CDH12: variants seen among roughly 807,000 people sequenced by gnomAD.
CDH12 encodes the protein cadherin-12.
CDH12 carries 41 observed loss-of-function variants against 74.1 expected under a neutral mutation model. The observed-to-expected ratio is 0.55, with a 90% CI of 0.43 to 0.72. The LOEUF (loss-of-function observed/expected upper bound fraction) is 0.72, where lower values mean the gene tolerates loss of function less well. Among genes scored for constraint, CDH12 ranks in the 30% least tolerant of loss-of-function variants. The pLI is 0.00. For missense variants in CDH12, 945 were observed against 977.2 expected, an observed-to-expected ratio of 0.97 and a Z score of 0.44; for synonymous variants, 399 against 355.0, an observed-to-expected ratio of 1.12 and a Z score of -1.39.
chr5:22,268,662 T>C lies in CDH12; in HGVS notation c.-332-56019A>G, dbSNP rs112659524. On this transcript the variant is annotated intron_variant, in intron 3 of 14. Coordinates refer to ENST00000382254, the MANE Select transcript of CDH12 (RefSeq NM_004061.5). The stretch of plus-strand genomic sequence containing the variant: ...GTTTGATGATTCAAACCCTACACTG[T>C]GTATTCCTTTTATTTTTATAATTAT... Among the ~76,000 whole-genome samples, 6 of 152,262 alleles carry C rather than the reference T, an allele frequency of 3.9e-5. 1 individual carries two copies. Among genetic ancestry groups the C allele is most frequent in the African/African-American group, 1.2e-4 (5 of 41,570 alleles).
chr5:21,986,663 A>T (rs1405204140), intron 5 of CDH12, among the ~76,000 whole-genome samples: 1 of 152,192 alleles, frequency 6.6e-6, no homozygotes, highest in Admixed American at 6.5e-5. Context: ...AGTAAATTTG[A>T]TGTATCATTT....
intron 1 of CDH12, among the ~76,000 whole-genome samples, chr5:22,623,951 T>C (rs1232028567): frequency 2.6e-5 from 4 of 152,204 alleles, no homozygotes; most frequent in Non-Finnish European, 5.9e-5. Context: ...AGCATGGTAC[T>C]GGTACCAAAA....
rs1033929540 is a variant in CDH12 at position 22,080,689 on chromosome 5, T to G, written c.-186-1827A>C. On this transcript the variant is annotated intron_variant, in intron 4 of 14. Coordinates refer to ENST00000382254, the MANE Select transcript of CDH12 (RefSeq NM_004061.5). ...AAAGACAGTACAAAAAATAGGAAGG[T>G]ATCTTTTTTTTTATCACTTGACATG... Among the ~76,000 whole-genome samples, 9 of 152,110 alleles carry G rather than the reference T, an allele frequency of 5.9e-5. No homozygotes were observed. In the East Asian group the frequency reaches 1.3e-3, roughly 23 times the overall value.
At chr5:22,024,248 T>G (rs772883578) in intron 5 of CDH12, among the ~76,000 whole-genome samples, 2 of 152,180 alleles carry the variant, frequency 1.3e-5, no homozygotes, top group African/African-American at 2.4e-5. Context: ...TCCCTTTTTC[T>G]TCCAGAATGC....
intron 2 of CDH12, among the ~76,000 whole-genome samples, chr5:22,484,964 T>C (rs928090437): frequency 7.2e-5 from 11 of 152,172 alleles, no homozygotes; most frequent in African/African-American, 2.2e-4. Flanking sequence ...GGATACATAT[T>C]TGTAAAGATC....
intron 3 of CDH12, among the ~76,000 whole-genome samples, chr5:22,257,619 C>T (rs1397072395): frequency 1.3e-5 from 2 of 151,964 alleles, no homozygotes; most frequent in Non-Finnish European, 2.9e-5. Flanking sequence ...CCTCCCTCAG[C>T]CTCCGGATTA....
At chr5:22,296,666 C>A (rs1294349272) in intron 3 of CDH12, among the ~76,000 whole-genome samples, 1 of 152,112 alleles carries the variant, frequency 6.6e-6, no homozygotes, top group African/African-American at 2.4e-5. Context: ...TTCAAATATA[C>A]ATGCTATCTA....
At chr5:22,242,179 A>C (rs983487289) in intron 3 of CDH12, among the ~76,000 whole-genome samples, 2 of 152,188 alleles carry the variant, frequency 1.3e-5, no homozygotes, top group African/African-American at 4.8e-5. Context: ...AATATTAATC[A>C]GGAAAAATGA....
intron 4 of CDH12, among the ~76,000 whole-genome samples, chr5:22,154,789 C>G (rs1031257809): frequency 2.6e-5 from 4 of 152,038 alleles, no homozygotes; most frequent in African/African-American, 4.8e-5. Context: ...AATTTAGCCA[C>G]TTAACACAGA....
In CDH12 at chr5:22,584,413, T is replaced by C. The variant is rs369319247; in HGVS notation, c.-522-79049A>G. Among the ~76,000 whole-genome samples, 44 of 152,354 alleles carry C rather than the reference T, an allele frequency of 2.9e-4. No individual in the cohort carries two copies. In the East Asian group the frequency reaches 2.9e-3, roughly 10 times the overall value. The stretch of plus-strand genomic sequence containing the variant: ...CTGCTCCTGGAAGGAATTTATTTTT[T>C]TTAATTCTGTGTTTTTAAGATTTTT... On this transcript the variant is annotated intron_variant, in intron 1 of 14. Transcript: ENST00000382254.
chr5:22,419,904 A>T lies in CDH12; in HGVS notation c.-427-14553T>A, dbSNP rs529593556. 9.9e-5 allele frequency among the ~76,000 whole-genome samples: 15 copies of T among 152,232 alleles called. No individual in the cohort carries two copies. In the South Asian group the frequency reaches 3.1e-3, roughly 32 times the overall value. ...ATTTGCATTTCTCTGATGATCAGTG[A>T]TGTTGAACTTTTTCTCATGTTTGTT... On this transcript the variant is annotated intron_variant, in intron 2 of 14. Transcript: ENST00000382254.
chr5:22,580,689 T>C, intron 1 of CDH12: 1 of 390,676 alleles, frequency 2.6e-6, no homozygotes, highest in South Asian at 2.3e-5. Flanking sequence ...GAGGAGGCAT[T>C]TTAACATTCC....
At chr5:21,770,526 G>A (rs989836011) in intron 11 of CDH12, among the ~76,000 whole-genome samples, 4 of 151,530 alleles carry the variant, frequency 2.6e-5, no homozygotes, top group Non-Finnish European at 5.9e-5. Flanking sequence ...CGGGAGGCAG[G>A]AGAATCTCTT....
At chr5:22,173,789 CA>C (rs1749180178) in intron 4 of CDH12, among the ~76,000 whole-genome samples, 1 of 151,682 alleles carries the variant, frequency 6.6e-6, no homozygotes, top group African/African-American at 2.4e-5. Context: ...TCGATGTTAC[CA>C]TAATTTTTTG....
chr5:21,889,061 GA>G (rs1288654563), intron 6 of CDH12, among the ~76,000 whole-genome samples: 1 of 151,924 alleles, frequency 6.6e-6, no homozygotes, highest in African/African-American at 2.4e-5. Context: ...TTTCTGATAG[GA>G]AAAATAATAT....
At chr5:22,698,807 G>A (rs1742563156) in intron 1 of CDH12, among the ~76,000 whole-genome samples, 1 of 143,532 alleles carries the variant, frequency 7.0e-6, no homozygotes, top group African/African-American at 2.6e-5. Context: ...ATTATTAGAA[G>A]TTTGGCAGTT....
chr5:22,373,241 C>T (rs1237773864), intron 3 of CDH12, among the ~76,000 whole-genome samples: 1 of 152,204 alleles, frequency 6.6e-6, no homozygotes, highest in Non-Finnish European at 1.5e-5. Context: ...GACAAAGTAA[C>T]CTGCTGATCC....
intron 4 of CDH12, among the ~76,000 whole-genome samples, chr5:22,117,465 T>TA (rs1745196784): frequency 1.7e-4 from 11 of 65,262 alleles, no homozygotes; most frequent in African/African-American, 5.6e-4. Flanking sequence ...ATATTATATA[T>TA]ATAATATATA....
intron 6 of CDH12, among the ~76,000 whole-genome samples, chr5:21,974,844 A>T (rs572277849): frequency 2.6e-5 from 4 of 152,292 alleles, no homozygotes; most frequent in African/African-American, 9.6e-5. Flanking sequence ...GCATGCAAGG[A>T]TTCTATGAAT....
Sources: gnomAD v4.1 joint callset for allele counts (sites outside exome capture counted in the v4.1 genomes callset) on GRCh38, gnomAD v4.1.1 for gene constraint, MANE v1.5 for transcripts, NCBI Gene and HGNC (gene_info 2026-07-23, HGNC 2026-07-21) for gene names.